Variants in TWSG1 observed in about 807,000 individuals in gnomAD.
The protein encoded by TWSG1 is twisted gastrulation BMP signaling modulator 1, also known as twisted gastrulation protein homolog 1.
In TWSG1, 15 loss-of-function variants were observed where a neutral mutation model predicts 23.0. The observed-to-expected ratio is 0.65, with a 90% confidence interval of 0.44 to 1.00. TWSG1 has a LOEUF of 1.00. Among genes scored for constraint, TWSG1 ranks in the 50% least tolerant of loss-of-function variants. The pLI is 0.00. For missense variants in TWSG1, 242 were observed against 278.7 expected (o/e 0.87, Z 0.94); for synonymous variants, 86 against 92.8 (o/e 0.93, Z 0.42).
chr18:9,377,532 T>C (rs986105725), intron 3 of TWSG1, among the ~76,000 whole-genome samples: 5 of 151,834 alleles, frequency 3.3e-5, no homozygotes, highest in African/African-American at 9.7e-5. Flanking sequence ...AGATAGTCTT[T>C]TTAACAAACG....
At chr18:9,365,157 C>T (rs2040571956) in intron 3 of TWSG1, among the ~76,000 whole-genome samples, 1 of 151,176 alleles carries the variant, frequency 6.6e-6, no homozygotes, top group Admixed American at 6.6e-5. Context: ...CCCATCTTTA[C>T]CAAAAATAAA....
chr18:9,366,919 G>A (rs2040581801), intron 3 of TWSG1, among the ~76,000 whole-genome samples: 1 of 152,086 alleles, frequency 6.6e-6, no homozygotes, highest in Non-Finnish European at 1.5e-5. Context: ...TGTGTATGGT[G>A]AGAACACTTA....
intron 2 of TWSG1, among the ~76,000 whole-genome samples, chr18:9,353,158 C>T (rs556629744): frequency 9.6e-4 from 146 of 152,232 alleles, no homozygotes; most frequent in African/African-American, 3.1e-3. Flanking sequence ...ATAGCAGGCT[C>T]TACCATGTAG....
chr18:9,359,938 G>A (rs2040544564), intron 2 of TWSG1, 34 bp from the exon 3 acceptor site: 1 of 1,566,274 alleles, frequency 6.4e-7, no homozygotes, highest in Non-Finnish European at 8.8e-7. Context: ...ATGATTATTT[G>A]GAATTTGAAG....
rs376011381 is a variant in TWSG1 at position 9,384,984 on chromosome 18, A to G, written c.224-11296A>G. Among the ~76,000 whole-genome samples the G allele has an allele frequency of 4.6e-5, 7 of 152,216 alleles. No homozygotes were observed. In the South Asian group the frequency reaches 1.5e-3, roughly 32 times the overall value. On this transcript the variant is annotated intron_variant, in intron 3 of 4. Coordinates refer to ENST00000262120, the MANE Select transcript of TWSG1 (RefSeq NM_020648.6). Reference sequence around the variant, plus strand: ...CTCTTTAGTAAACAGATTGGAAGGAACACCAAAACAAATTGCATAAAAGGG... The same window carrying G: ...CTCTTTAGTAAACAGATTGGAAGGAGCACCAAAACAAATTGCATAAAAGGG...
chr18:9,392,379 G>A (rs1248162373), intron 3 of TWSG1, among the ~76,000 whole-genome samples: 1 of 152,150 alleles, frequency 6.6e-6, no homozygotes, highest in Admixed American at 6.5e-5. Flanking sequence ...TAAACCTCAT[G>A]AACCAATCTC....
chr18:9,357,341 A>G (rs2040531642), intron 2 of TWSG1, among the ~76,000 whole-genome samples: 1 of 152,238 alleles, frequency 6.6e-6, no homozygotes, highest in African/African-American at 2.4e-5. Context: ...AATTAGTTAG[A>G]AAATAGCACA....
chr18:9,372,309 T>C (rs545879822), intron 3 of TWSG1, among the ~76,000 whole-genome samples: 1 of 151,292 alleles, frequency 6.6e-6, no homozygotes, highest in South Asian at 2.1e-4. Flanking sequence ...GTTTAATTTA[T>C]AAATTAGGCA....
chr18:9,357,444 C>CA (rs2040532079), intron 2 of TWSG1, among the ~76,000 whole-genome samples: 2 of 151,900 alleles, frequency 1.3e-5, no homozygotes, highest in South Asian at 2.1e-4. Flanking sequence ...ATCGGTGCTG[C>CA]AAAAAATGTC....
At chr18:9,345,330 T>C (rs2040472112) in intron 2 of TWSG1, among the ~76,000 whole-genome samples, 1 of 152,172 alleles carries the variant, frequency 6.6e-6, no homozygotes, top group African/African-American at 2.4e-5. Flanking sequence ...GTCATAAAGA[T>C]TTACTTGTAT....
At chr18:9,378,515 C>G (rs188480318) in intron 3 of TWSG1, among the ~76,000 whole-genome samples, 333 of 152,318 alleles carry the variant, frequency 2.2e-3, no homozygotes, top group Non-Finnish European at 3.3e-3. Context: ...ATCCCATTCA[C>G]AGTTGTCACA....
At chr18:9,363,789 ATACTTTTTTG>A (rs1424897554) in intron 3 of TWSG1, among the ~76,000 whole-genome samples, 1 of 149,936 alleles carries the variant, frequency 6.7e-6, no homozygotes, top group African/African-American at 2.5e-5. Context: ...CCATATCTAG[ATACTTTTTTG>A]TATTTTTTTG....
At chr18:9,373,598 TC>T (rs1329911819) in intron 3 of TWSG1, among the ~76,000 whole-genome samples, 1 of 152,050 alleles carries the variant, frequency 6.6e-6, no homozygotes, top group Non-Finnish European at 1.5e-5. Context: ...GCAGTAGAAA[TC>T]CACTCTTATA....
chr18:9,387,718 C>T (rs943978502), intron 3 of TWSG1, among the ~76,000 whole-genome samples: 1 of 148,778 alleles, frequency 6.7e-6, no homozygotes, highest in Admixed American at 6.8e-5. Flanking sequence ...TGCAGTGAGC[C>T]GAGATCGTGC....
intron 2 of TWSG1, among the ~76,000 whole-genome samples, chr18:9,356,942 T>A (rs2040529575): frequency 6.6e-6 from 1 of 150,632 alleles, no homozygotes; most frequent in South Asian, 2.1e-4. Context: ...GCTTTATTTC[T>A]TGTGACTAAG....
intron 3 of TWSG1, chr18:9,388,556 C>T (rs1277689128): frequency 3.3e-5 from 5 of 152,196 alleles, no homozygotes; most frequent in Admixed American, 3.3e-4. Flanking sequence ...GTGGAAAAGA[C>T]CTTAGTATCT....
chr18:9,396,860 A>T, intron 4 of TWSG1: 1 of 416,520 alleles, frequency 2.4e-6, no homozygotes, highest in Non-Finnish European at 4.2e-6. Flanking sequence ...AGAGTTCGAG[A>T]CCAGCCTGAC....
intron 3 of TWSG1, among the ~76,000 whole-genome samples, chr18:9,392,458 C>G (rs1384143769): frequency 1.3e-5 from 2 of 152,210 alleles, no homozygotes; most frequent in South Asian, 2.1e-4. Context: ...GAAGAGAGGG[C>G]CTTGCTCTGG....
intron 2 of TWSG1, among the ~76,000 whole-genome samples, chr18:9,357,841 G>C (rs200813417): frequency 7.7e-5 from 2 of 25,962 alleles, no homozygotes; most frequent in Non-Finnish European, 1.6e-4. Flanking sequence ...GAGCAGGGAA[G>C]GGGGGGGATG....
Sources: gnomAD v4.1 joint callset for allele counts (sites outside exome capture counted in the v4.1 genomes callset) on GRCh38, gnomAD v4.1.1 for gene constraint, MANE v1.5 for transcripts, NCBI Gene and HGNC (gene_info 2026-07-23, HGNC 2026-07-21) for gene names.